The following RBFOX1 variants were observed in gnomAD, a reference collection of about 807,000 sequenced individuals.
RBFOX1 encodes the protein RNA binding fox-1 homolog 1.
RBFOX1 carries 8 observed loss-of-function variants against 57.7 expected under a neutral mutation model. The observed-to-expected ratio is 0.14, with a 90% CI of 0.08 to 0.25. The LOEUF (loss-of-function observed/expected upper bound fraction) is 0.25, where lower values mean the gene tolerates loss of function less well. Among genes scored for constraint, RBFOX1 ranks in the 10% least tolerant of loss-of-function variants. RBFOX1 has a pLI of 1.00. For synonymous variants in RBFOX1, 326 were observed against 222.4 expected (o/e 1.47, Z -4.15); for missense variants, 611 against 548.5 (o/e 1.11, Z -1.14).
At chr16:5,893,883 A>T (rs2058099996) in intron 4 of RBFOX1, among the ~76,000 whole-genome samples, 1 of 152,170 alleles carries the variant, frequency 6.6e-6, no homozygotes. Flanking sequence ...TTAAACATAA[A>T]CAAGTAAAGT....
chr16:6,127,907 A>G (rs1383107921), intron 1 of RBFOX1, among the ~76,000 whole-genome samples: 2 of 152,194 alleles, frequency 1.3e-5, no homozygotes, highest in Non-Finnish European at 2.9e-5. Context: ...ACTTCAGAGA[A>G]TTGAATAAGG....
At chr16:6,919,922 A>C (rs1320839890) in intron 3 of RBFOX1, among the ~76,000 whole-genome samples, 1 of 151,926 alleles carries the variant, frequency 6.6e-6, no homozygotes, top group Admixed American at 6.6e-5. Context: ...GTCATCTTTT[A>C]TCCTTTACCC....
chr16:6,866,690 T>C (rs908758261), intron 3 of RBFOX1, among the ~76,000 whole-genome samples: 2 of 151,764 alleles, frequency 1.3e-5, no homozygotes, highest in Admixed American at 1.3e-4. Flanking sequence ...TACAGGCGCC[T>C]GCCACCACGC....
At chr16:7,386,572 T>G (rs1243806183) in intron 4 of RBFOX1, among the ~76,000 whole-genome samples, 2 of 152,226 alleles carry the variant, frequency 1.3e-5, no homozygotes, top group African/African-American at 2.4e-5. Flanking sequence ...TTTTTATGGC[T>G]GCATAGTATT....
intron 2 of RBFOX1, among the ~76,000 whole-genome samples, chr16:5,578,457 GCCCACCAGGAAAA>G (rs1438753151): frequency 6.6e-6 from 1 of 152,128 alleles, no homozygotes; most frequent in Non-Finnish European, 1.5e-5. Context: ...GGGCTCTAAA[GCCCACCAGGAAAA>G]ACCCCATCCA....
intron 1 of RBFOX1, among the ~76,000 whole-genome samples, chr16:5,364,472 C>T (rs535820242): frequency 1.3e-5 from 2 of 152,316 alleles, no homozygotes; most frequent in East Asian, 1.9e-4. Flanking sequence ...ACAGCCTCAG[C>T]CAAGAGGAAC....
chr16:5,854,099 G>C (rs1028158068), intron 3 of RBFOX1, among the ~76,000 whole-genome samples: 3 of 152,198 alleles, frequency 2.0e-5, no homozygotes, highest in African/African-American at 7.2e-5. Context: ...AGTATGTTTT[G>C]ATATGCACAT....
chr16:6,696,254 C>T (rs547709035), intron 3 of RBFOX1, among the ~76,000 whole-genome samples: 21 of 152,220 alleles, frequency 1.4e-4, no homozygotes, highest in African/African-American at 4.8e-4. Context: ...CTATTACAGG[C>T]ACATAATTGT....
intron 3 of RBFOX1, among the ~76,000 whole-genome samples, chr16:5,690,396 G>C (rs2050637818): frequency 6.6e-6 from 1 of 152,090 alleles, no homozygotes; most frequent in African/African-American, 2.4e-5. Context: ...CCATATCTTG[G>C]GGCTCAGTGA....
intron 2 of RBFOX1, among the ~76,000 whole-genome samples, chr16:6,637,204 TTA>T (rs1303360482): frequency 8.8e-5 from 6 of 68,140 alleles, no homozygotes; most frequent in South Asian, 4.7e-4. Flanking sequence ...ATATTATATA[TTA>T]TATATATTAT....
intron 4 of RBFOX1, among the ~76,000 whole-genome samples, chr16:7,402,628 C>CA (rs2098264199): frequency 6.6e-6 from 1 of 152,128 alleles, no homozygotes; most frequent in Non-Finnish European, 1.5e-5. Context: ...GAGTGGCTTT[C>CA]AATGCTAAGT....
chr16:6,454,938 C>T (rs1229935953), intron 2 of RBFOX1, among the ~76,000 whole-genome samples: 1 of 143,998 alleles, frequency 6.9e-6, no homozygotes, highest in Non-Finnish European at 1.5e-5. Context: ...GGCTGGAGTA[C>T]AGCGGCACAT....
intron 2 of RBFOX1, among the ~76,000 whole-genome samples, chr16:6,374,890 A>G (rs906166948): frequency 1.3e-5 from 2 of 152,194 alleles, no homozygotes; most frequent in Non-Finnish European, 2.9e-5. Context: ...GCCTGTCAAG[A>G]TTTATCTTAT....
At chr16:5,659,317 T>C (rs889096426) in intron 3 of RBFOX1, among the ~76,000 whole-genome samples, 5 of 150,604 alleles carry the variant, frequency 3.3e-5, no homozygotes, top group Admixed American at 3.3e-4. Flanking sequence ...TTTTTTTTTT[T>C]TTTTGAGATG....
intron 1 of RBFOX1, among the ~76,000 whole-genome samples, chr16:6,062,172 C>G (rs2152461149): frequency 6.6e-6 from 1 of 152,254 alleles, no homozygotes; most frequent in Middle Eastern, 3.4e-3. Context: ...GCATCACCTT[C>G]TAGGTAGCCC....
chr16:5,944,115 C>T (rs773182374), intron 4 of RBFOX1, among the ~76,000 whole-genome samples: 6 of 152,190 alleles, frequency 3.9e-5, no homozygotes, highest in East Asian at 1.9e-4. Context: ...CACATGGACA[C>T]AGTAGTGAAC....
At chr16:7,671,510 T>A (rs751369281) in intron 13 of RBFOX1, 1 of 1,520,402 alleles carries the variant, frequency 6.6e-7, no homozygotes, top group East Asian at 2.3e-5. Context: ...TCTCTTTTAT[T>A]TATTTCATTT....
At chr16:5,966,996 G>GC (rs2059857752) in intron 4 of RBFOX1, among the ~76,000 whole-genome samples, 4 of 138,266 alleles carry the variant, frequency 2.9e-5, no homozygotes, top group Non-Finnish European at 4.7e-5. Flanking sequence ...TAAATCGGGG[G>GC]GGGGGGGGTC....
At chr16:6,611,554 T>G (rs1051473733) in intron 2 of RBFOX1, among the ~76,000 whole-genome samples, 1 of 152,178 alleles carries the variant, frequency 6.6e-6, no homozygotes, top group African/African-American at 2.4e-5. Context: ...ACATTTCTTC[T>G]CATCACATGA....
Sources: allele counts gnomAD v4.1 joint callset (sites outside exome capture counted in the v4.1 genomes callset), GRCh38; gene constraint gnomAD v4.1.1; transcripts MANE v1.5; gene names NCBI Gene and HGNC (gene_info 2026-07-23, HGNC 2026-07-21).